The following BTBD10 variants were observed in gnomAD, a reference collection of about 807,000 sequenced individuals.
BTBD10 encodes the protein BTB domain containing 10.
BTBD10 carries 21 observed loss-of-function variants against 53.2 expected under a neutral mutation model. That is an observed-to-expected ratio of 0.39 (90% confidence interval 0.28 to 0.57). The LOEUF (loss-of-function observed/expected upper bound fraction) is 0.57, where lower values mean the gene tolerates loss of function less well. BTBD10 is among the 20% of genes least tolerant of loss of function. The pLI, the probability that BTBD10 is intolerant of heterozygous loss-of-function variation, is 0.53. For synonymous variants in BTBD10, 149 were observed against 192.7 expected, an observed-to-expected ratio of 0.77 and a Z score of 1.88; for missense variants, 360 against 594.7, an observed-to-expected ratio of 0.61 and a Z score of 4.10.
intron 2 of BTBD10, among the ~76,000 whole-genome samples, chr11:13,443,844 A>G (rs1252214793): frequency 6.6e-6 from 1 of 152,132 alleles, no homozygotes; most frequent in Non-Finnish European, 1.5e-5. Context: ...TCGGCCTCCC[A>G]AAGTGTTGGG....
At chr11:13,428,590 CAAGAA>C (rs982382729) in intron 2 of BTBD10, among the ~76,000 whole-genome samples, 7 of 151,826 alleles carry the variant, frequency 4.6e-5, no homozygotes, top group African/African-American at 1.7e-4. Flanking sequence ...AAAAATATTA[CAAGAA>C]AATAAAACCA....
chr11:13,450,463 A>G (rs1422666945), intron 1 of BTBD10, among the ~76,000 whole-genome samples: 1 of 152,224 alleles, frequency 6.6e-6, no homozygotes, highest in Non-Finnish European at 1.5e-5. Flanking sequence ...TCACTTGATG[A>G]GCTTCTATCC....
chr11:13,439,873 T>C (rs2134019836), intron 2 of BTBD10: 1 of 1,512,478 alleles, frequency 6.6e-7, no homozygotes, highest in South Asian at 1.2e-5. Context: ...ATGTAATAAA[T>C]GAATACACAC....
chr11:13,436,833 GT>G (rs1950552114), intron 2 of BTBD10, among the ~76,000 whole-genome samples: 1 of 152,136 alleles, frequency 6.6e-6, no homozygotes, highest in Non-Finnish European at 1.5e-5. Context: ...CCAGACTGGA[GT>G]GCAGTGGCGT....
intron 6 of BTBD10, among the ~76,000 whole-genome samples, chr11:13,408,895 G>A (rs1302001187): frequency 6.6e-6 from 1 of 152,202 alleles, no homozygotes; most frequent in Non-Finnish European, 1.5e-5. Context: ...AGCCAAAAGT[G>A]ATTCTTTTAA....
chr11:13,459,054 A>ATTTT (rs1256609857), intron 1 of BTBD10, among the ~76,000 whole-genome samples: 1 of 117,848 alleles, frequency 8.5e-6, no homozygotes, highest in African/African-American at 3.4e-5. Flanking sequence ...TTTTTTATTT[A>ATTTT]TTTATTTTTT....
intron 1 of BTBD10, among the ~76,000 whole-genome samples, chr11:13,448,047 C>G (rs1405825394): frequency 6.6e-6 from 1 of 152,120 alleles, no homozygotes; most frequent in Non-Finnish European, 1.5e-5. Flanking sequence ...TCAGTTTTAA[C>G]CATCCTCTGT....
rs11022794 is a variant in BTBD10 at position 13,395,112 on chromosome 11, C to T, written c.1118-5971G>A. Among the ~76,000 whole-genome samples the T allele has an allele frequency of 6.1e-5, 8 of 131,602 alleles. 1 individual carries two copies. The highest frequency in any genetic ancestry group is 1.7e-4 in the Admixed American group (2 of 11,840). 86.3% of individuals were successfully genotyped at this position (131,602 alleles called of 152,430 possible). On this transcript the variant is annotated intron_variant, in intron 8 of 8. Coordinates refer to ENST00000278174, the MANE Select transcript of BTBD10 (RefSeq NM_032320.7). ...TTCTAGTTCTAGATCCATGAGGAAT[C>T]GCCACACCAACTTCCACAATGGTTG...
At chr11:13,432,685 T>TA (rs1220115418) in intron 2 of BTBD10, among the ~76,000 whole-genome samples, 1 of 151,832 alleles carries the variant, frequency 6.6e-6, no homozygotes, top group African/African-American at 2.4e-5. Context: ...GCTGCAATTT[T>TA]AAAAAAATTA....
At chr11:13,456,877 AG>A (rs2134061537) in intron 1 of BTBD10, among the ~76,000 whole-genome samples, 1 of 152,276 alleles carries the variant, frequency 6.6e-6, no homozygotes, top group African/African-American at 2.4e-5. Flanking sequence ...AGTACAAATG[AG>A]GGTCTGGCGC....
chr11:13,419,396 A>C (rs1950194925), intron 4 of BTBD10, 64 bp downstream of exon 4: 1 of 1,556,678 alleles, frequency 6.4e-7, no homozygotes, highest in Middle Eastern at 1.7e-4. Flanking sequence ...AAACTTAAAC[A>C]AAAAAATAAT....
At chr11:13,455,094 G>A (rs1223319848) in intron 1 of BTBD10, among the ~76,000 whole-genome samples, 1 of 152,144 alleles carries the variant, frequency 6.6e-6, no homozygotes, top group African/African-American at 2.4e-5. Flanking sequence ...ATTCTTTTTA[G>A]TAGAGACAGG....
At chr11:13,413,853 G>T (rs192771700) in intron 5 of BTBD10, among the ~76,000 whole-genome samples, 1 of 152,246 alleles carries the variant, frequency 6.6e-6, no homozygotes, top group African/African-American at 2.4e-5. Flanking sequence ...AGGTCCAAAT[G>T]AATTCACCGA....
At chr11:13,421,471 A>T (rs936378551) in intron 3 of BTBD10, among the ~76,000 whole-genome samples, 171 bp downstream of exon 3, 2 of 152,356 alleles carry the variant, frequency 1.3e-5, no homozygotes, top group African/African-American at 2.4e-5. Flanking sequence ...GCATTTAATT[A>T]GCTGTTTTTT....
At chr11:13,459,970 C>T (rs1951058930) in intron 1 of BTBD10, among the ~76,000 whole-genome samples, 1 of 152,212 alleles carries the variant, frequency 6.6e-6, no homozygotes, top group African/African-American at 2.4e-5. Flanking sequence ...GTTCCCCCTT[C>T]AACAAGCACA....
intron 3 of BTBD10, among the ~76,000 whole-genome samples, chr11:13,421,250 A>G (rs1950236856): frequency 6.6e-6 from 1 of 152,236 alleles, no homozygotes; most frequent in South Asian, 2.1e-4. Flanking sequence ...ATCAGAATAA[A>G]TAACATGATG....
chr11:13,418,719 G>GT (rs1464759986), intron 4 of BTBD10, among the ~76,000 whole-genome samples: 2 of 151,970 alleles, frequency 1.3e-5, no homozygotes, highest in Non-Finnish European at 2.9e-5. Flanking sequence ...TAAAGTACAA[G>GT]TTTTTATCTC....
rs1949327154 is a variant in BTBD10 at position 13,388,810 on chromosome 11, T to C, written c.*21A>G. The C allele has an allele frequency of 1.9e-6, 3 of 1,596,662 alleles. No homozygotes were observed. Among genetic ancestry groups the C allele is most frequent in the Middle Eastern group, 1.7e-4 (1 of 6,036 alleles). ...CGTCACTGTGAAGAGTAGCATGCTA[T>C]GGTTTCAAGGAAGATCAGCATCACA... On this transcript the variant is annotated 3_prime_UTR_variant, in exon 9 of 9. Coordinates refer to ENST00000278174, the MANE Select transcript of BTBD10 (RefSeq NM_032320.7).
intron 8 of BTBD10, among the ~76,000 whole-genome samples, chr11:13,393,790 TTAAAA>T (rs1257390521): frequency 2.6e-5 from 4 of 152,170 alleles, no homozygotes; most frequent in Admixed American, 1.3e-4. Flanking sequence ...AAATTTCTAC[TTAAAA>T]TAATATTTCA....
Sources: gnomAD v4.1 joint callset for allele counts (sites outside exome capture counted in the v4.1 genomes callset) on GRCh38, gnomAD v4.1.1 for gene constraint, MANE v1.5 for transcripts, NCBI Gene and HGNC (gene_info 2026-07-23, HGNC 2026-07-21) for gene names.